ANKFY1: variants seen among roughly 807,000 people sequenced by gnomAD.
ANKFY1 encodes ankyrin repeat and FYVE domain containing 1, also known as ankyrin repeat and FYVE domain-containing protein 1.
Under a neutral mutation model 128.3 loss-of-function variants are expected in ANKFY1, and 47 were observed. That is an observed-to-expected ratio of 0.37 (90% CI 0.29 to 0.47). ANKFY1 has a LOEUF of 0.47. Ranked by LOEUF, ANKFY1 falls within the 20% of genes least tolerant of loss-of-function variation. The pLI is 1.00. For synonymous variants in ANKFY1, 553 were observed against 601.6 expected, an observed-to-expected ratio of 0.92 and a Z score of 1.18; for missense variants, 1,222 against 1,510.6, an observed-to-expected ratio of 0.81 and a Z score of 3.17.
chr17:4,187,672 GT>G lies in ANKFY1; in HGVS notation c.1470+1709del, dbSNP rs531626797. On this transcript the variant is annotated intron_variant, in intron 11 of 24. Transcript: ENST00000341657. ...GCCCAAGGGAGGTTTTTTTTTGTTTGTTTTTTGTTTTCCGAGACAAAATCTC... is the reference window on the plus strand; with the variant it reads ...GCCCAAGGGAGGTTTTTTTTTGTTTGTTTTTGTTTTCCGAGACAAAATCTC... 8.3e-4 allele frequency: 133 copies of G among 161,144 alleles called. 1 individual carries two copies. The highest frequency in any genetic ancestry group is 3.0e-3 in the African/African-American group (124 of 41,892). The allele number at this position is 161,144 out of a possible 1,614,324, so 10.0% of individuals were successfully genotyped here.
chr17:4,164,306 A>G lies in ANKFY1; in HGVS notation c.*3473T>C, dbSNP rs141700516. The G allele has an allele frequency of 1.4e-4, 21 of 152,834 alleles. No homozygotes were observed. Among genetic ancestry groups the G allele is most frequent in the East Asian group, 5.8e-4 (3 of 5,192 alleles). The allele number at this position is 152,834 out of a possible 1,614,324, so 9.5% of individuals were successfully genotyped here. ...ACACAAAAAAGGAATAGTACAGGCA[A>G]TGATCTTCCAAAGAAAGTCTTTAAG... On this transcript the variant is annotated 3_prime_UTR_variant, in exon 25 of 25. Coordinates refer to ENST00000341657, the MANE Select transcript of ANKFY1 (RefSeq NM_001330063.2).
chr17:4,184,801 T>C lies in ANKFY1; in HGVS notation c.1699+17A>G. 6.2e-7 allele frequency: 1 copy of C among 1,607,288 alleles called. No homozygotes were observed. Among genetic ancestry groups the C allele is most frequent in the South Asian group, 1.1e-5 (1 of 91,000 alleles). On this transcript the variant is annotated intron_variant, in intron 12 of 24. Coordinates refer to ENST00000341657, the MANE Select transcript of ANKFY1 (RefSeq NM_001330063.2). ...GTCCCCAAGTCAAAAGGATGGACAGTATTCCCACTTACTTACCTTTCTGCT... is the reference window on the plus strand; with the variant it reads ...GTCCCCAAGTCAAAAGGATGGACAGCATTCCCACTTACTTACCTTTCTGCT...
At chr17:4,249,520 C>T (rs1461736918) in intron 1 of ANKFY1, among the ~76,000 whole-genome samples, 1 of 152,072 alleles carries the variant, frequency 6.6e-6, no homozygotes, top group Non-Finnish European at 1.5e-5. Flanking sequence ...GGCTGAGAGG[C>T]CATACAAGCC....
chr17:4,254,801 A>T (rs932575321), intron 1 of ANKFY1, among the ~76,000 whole-genome samples: 4 of 152,258 alleles, frequency 2.6e-5, no homozygotes, highest in Admixed American at 2.6e-4. Context: ...TAAGACAGAA[A>T]GTGGGAATTA....
At chr17:4,240,764 C>G (rs1967169342) in intron 2 of ANKFY1, among the ~76,000 whole-genome samples, 1 of 152,110 alleles carries the variant, frequency 6.6e-6, no homozygotes, top group East Asian at 1.9e-4. Context: ...GCTTTACTTC[C>G]TAGAAGACCA....
rs144664093 is a variant in ANKFY1, at chr17:4,180,133, A to G, written c.2241-256T>C. On this transcript the variant is annotated intron_variant, in intron 16 of 24. Transcript: ENST00000341657. ...TTCCCAGGGGATATGCATACATTTA[A>G]AGCCTGAGAACCAGCCGGATGCGGT... 273 of 481,726 alleles carry G rather than the reference A, an allele frequency of 5.7e-4. 4 individuals carry two copies. In the East Asian group the frequency reaches 6.0e-3, roughly 11 times the overall value. 29.8% of individuals were successfully genotyped at this position (481,726 alleles called of 1,614,324 possible).
chr17:4,223,405 C>A lies in ANKFY1; in HGVS notation c.323-6287G>T, dbSNP rs113220816. 1.5e-5 allele frequency: 24 copies of A among 1,549,346 alleles called. 2 individuals carry two copies. The African/African-American group carries it at 2.2e-4, about 14-fold the overall frequency. On this transcript the variant is annotated intron_variant, in intron 3 of 24. Transcript: ENST00000341657. ...TGAGCTACCTGGCCAGAACGGAAGT[C>A]ATCCACAAAGACCTGGCTGCTAGGA...
chr17:4,191,654 G>A (rs997509308), intron 10 of ANKFY1, among the ~76,000 whole-genome samples: 1 of 117,088 alleles, frequency 8.5e-6, no homozygotes, highest in Admixed American at 8.5e-5. Flanking sequence ...CCTAGTTGAT[G>A]GTTAATCTGG....
At chr17:4,209,656 G>C (rs1350484075) in intron 5 of ANKFY1, among the ~76,000 whole-genome samples, 168 bp downstream of exon 5, 1 of 152,200 alleles carries the variant, frequency 6.6e-6, no homozygotes, top group Non-Finnish European at 1.5e-5. Context: ...ACCAGAATTT[G>C]AGTTGAAAAG....
intron 3 of ANKFY1, among the ~76,000 whole-genome samples, chr17:4,224,867 A>G (rs1246264052): frequency 1.3e-5 from 2 of 151,730 alleles, no homozygotes; most frequent in East Asian, 3.9e-4. Flanking sequence ...AAGTGGACTC[A>G]TATTTCTAAG....
Position 4,187,521 on chromosome 17 carries a change from G to A in ANKFY1, c.1470+1861C>T, listed in dbSNP as rs145028494. The A allele has an allele frequency of 7.0e-4, 258 of 367,550 alleles. 1 individual carries two copies. The East Asian group carries it at 9.4e-3, about 13-fold the overall frequency. The allele number at this position is 367,550 out of a possible 1,614,324, so 22.8% of individuals were successfully genotyped here. On this transcript the variant is annotated intron_variant, in intron 11 of 24. Transcript: ENST00000341657. Reference sequence around the variant, plus strand: ...CACACAGCGGAAGCCAGTGTTCCAGGCCCTTCTGCAGTGCTGGTCTCCAGT... The same window carrying A: ...CACACAGCGGAAGCCAGTGTTCCAGACCCTTCTGCAGTGCTGGTCTCCAGT...
intron 1 of ANKFY1, among the ~76,000 whole-genome samples, chr17:4,255,019 A>G (rs906060271): frequency 2.6e-5 from 4 of 152,104 alleles, no homozygotes; most frequent in Non-Finnish European, 1.5e-5. Flanking sequence ...CAGCTCCAGT[A>G]TCAGAACACC....
chr17:4,242,939 G>GTCA (rs1384009715), intron 1 of ANKFY1, among the ~76,000 whole-genome samples: 1 of 152,156 alleles, frequency 6.6e-6, no homozygotes, highest in Non-Finnish European at 1.5e-5. Flanking sequence ...CAGGAGAAAA[G>GTCA]GCTACCAAAA....
chr17:4,222,272 G>A, intron 3 of ANKFY1: 2 of 626,288 alleles, frequency 3.2e-6, no homozygotes, highest in Non-Finnish European at 5.8e-6. Context: ...CCCAGCGTGA[G>A]CCTCTACCTG....
At chr17:4,249,513 T>C (rs1017021437) in intron 1 of ANKFY1, among the ~76,000 whole-genome samples, 6 of 152,332 alleles carry the variant, frequency 3.9e-5, no homozygotes, top group African/African-American at 1.4e-4. Context: ...CAGATTTGGC[T>C]GAGAGGCCAT....
At chr17:4,176,039 C>A (rs1462767086) in intron 19 of ANKFY1, among the ~76,000 whole-genome samples, 2 of 152,140 alleles carry the variant, frequency 1.3e-5, no homozygotes, top group African/African-American at 4.8e-5. Context: ...ACTTTGGGAC[C>A]CAGCTCCGCC....
chr17:4,243,016 T>G (rs9911475), intron 1 of ANKFY1, among the ~76,000 whole-genome samples: 1 of 152,078 alleles, frequency 6.6e-6, no homozygotes. Context: ...TTCTTCTAAA[T>G]GCTTTACATA....
rs1223066337 is a variant in ANKFY1, at chr17:4,182,339, C to A, written c.1963G>T (p.Gly655Trp). Reference sequence around the variant, plus strand: ...ATGGCCAGCTGGAGGGCTGTCTCCCCGTCCTGAGTCCTGCTAGGACATGCA... The same window carrying A: ...ATGGCCAGCTGGAGGGCTGTCTCCCAGTCCTGAGTCCTGCTAGGACATGCA... ...QADINVRTQD[G>W]ETALQLAIRN... Residue 655 changes from glycine to tryptophan, a missense_variant, in exon 15 of 25, where the codon GGG becomes TGG. Coordinates refer to ENST00000341657, the MANE Select transcript of ANKFY1 (RefSeq NM_001330063.2). The A allele has an allele frequency of 6.4e-7, 1 of 1,574,346 alleles. No individual in the cohort carries two copies. Among genetic ancestry groups the A allele is most frequent in the South Asian group, 1.2e-5 (1 of 82,406 alleles).
Position 4,189,411 on chromosome 17 carries a change from C to G in ANKFY1, c.1441G>C (p.Gly481Arg). 6.3e-7 allele frequency: 1 copy of G among 1,590,696 alleles called. No homozygotes were observed. The highest frequency in any genetic ancestry group is 8.6e-7 in the Non-Finnish European group (1 of 1,165,772). The change falls in exon 11 of 25, where the codon GGT becomes CGT. Residue 481 changes from glycine (G) to arginine (R), a missense_variant. By Grantham distance (125) the Gly-to-Arg change is moderately radical. Transcript: ENST00000341657. ...EAAALFLATN[G>R]AHVNHRNKWG... ...TTGTTTCTGTGGTTGACATGGGCAC[C>G]GTTGGTTGCCAGGAAAAGAGCTGCT...
Sources: allele counts gnomAD v4.1 joint callset (sites outside exome capture counted in the v4.1 genomes callset), GRCh38; gene constraint gnomAD v4.1.1; transcripts MANE v1.5; gene names NCBI Gene and HGNC (gene_info 2026-07-23, HGNC 2026-07-21).